Variants in DLG2 observed in about 807,000 individuals in gnomAD.
DLG2 encodes disks large homolog 2.
A neutral mutation model predicts 132.5 loss-of-function variants in DLG2; 45 were observed. That is an observed-to-expected ratio of 0.34 (90% CI 0.27 to 0.44). DLG2 has a LOEUF of 0.44. Among genes scored for constraint, DLG2 ranks in the 20% least tolerant of loss-of-function variants. The probability of loss-of-function intolerance (pLI) is 1.00; values close to 1 mark genes in which losing one functional copy is unlikely to be tolerated. For synonymous variants in DLG2, 424 were observed against 419.6 expected (o/e 1.01, Z -0.13); for missense variants, 1,045 against 1,196.9 (o/e 0.87, Z 1.87).
At chr11:84,407,595 T>C (rs1347107379) in intron 7 of DLG2, among the ~76,000 whole-genome samples, 2 of 152,188 alleles carry the variant, frequency 1.3e-5, no homozygotes, top group Non-Finnish European at 2.9e-5. Context: ...CCTGCTCTGA[T>C]AGGACTGGTG....
intron 3 of DLG2, among the ~76,000 whole-genome samples, chr11:85,441,543 C>T (rs891308749): frequency 7.9e-5 from 12 of 152,212 alleles, no homozygotes; most frequent in African/African-American, 2.2e-4. Flanking sequence ...TCAATGATCA[C>T]TTATTCATTC....
At position 83,676,758 on chromosome 11, in the gene DLG2, T is replaced by C. The variant is rs553522947; in HGVS notation, c.1826-43433A>G. 1.4e-3 allele frequency among the ~76,000 whole-genome samples: 207 copies of C among 152,226 alleles called. 2 individuals are homozygous for C. The highest frequency in any genetic ancestry group is 4.8e-3 in the African/African-American group (200 of 41,496). On this transcript the variant is annotated intron_variant, in intron 18 of 27. Transcript: ENST00000376104. ...TTTGCAAGCTTGGCACTACTTACAA[T>C]GGAAAGCAGCCTTATCTGTTACTGT... is the stretch of plus-strand genomic sequence containing the variant.
chr11:85,236,462 C>A (rs1379236749), intron 4 of DLG2, among the ~76,000 whole-genome samples: 1 of 151,976 alleles, frequency 6.6e-6, no homozygotes, highest in East Asian at 1.9e-4. Flanking sequence ...ATGCAAGGCA[C>A]CCCTGGTGTA....
intron 7 of DLG2, among the ~76,000 whole-genome samples, chr11:84,304,378 T>A (rs894128291): frequency 3.3e-5 from 5 of 152,126 alleles, no homozygotes; most frequent in African/African-American, 9.7e-5. Flanking sequence ...AATAGCAACT[T>A]TGAGAGCTCA....
At chr11:85,151,583 G>T (rs1254438845) in intron 5 of DLG2, among the ~76,000 whole-genome samples, 2 of 151,968 alleles carry the variant, frequency 1.3e-5, no homozygotes, top group Non-Finnish European at 2.9e-5. Flanking sequence ...TAAAGTAAGG[G>T]CCCAACTTTA....
intron 6 of DLG2, among the ~76,000 whole-genome samples, chr11:84,762,964 G>GA (rs934786042): frequency 3.0e-4 from 46 of 150,900 alleles, no homozygotes; most frequent in South Asian, 4.2e-4. Context: ...TATCCAAATT[G>GA]AAAAAAAAAT....
chr11:85,178,945 T>C (rs925045696), intron 4 of DLG2, among the ~76,000 whole-genome samples: 1 of 151,796 alleles, frequency 6.6e-6, no homozygotes. Flanking sequence ...AAAGCAATAT[T>C]TGAATAAATA....
chr11:85,369,791 T>C (rs1407364004), intron 3 of DLG2, among the ~76,000 whole-genome samples: 2 of 152,162 alleles, frequency 1.3e-5, no homozygotes, highest in African/African-American at 4.8e-5. Flanking sequence ...GGTTTTCTTC[T>C]GCCTGTCTGT....
chr11:84,709,102 T>C (rs2060092576), intron 6 of DLG2, among the ~76,000 whole-genome samples: 1 of 151,724 alleles, frequency 6.6e-6, no homozygotes, highest in Admixed American at 6.6e-5. Flanking sequence ...GACTCTGAAG[T>C]GAGATAATGG....
In DLG2 at chr11:84,990,468, C is replaced by T. The variant is rs567400574; in HGVS notation, c.357+121193G>A. Among the ~76,000 whole-genome samples the T allele has an allele frequency of 1.7e-4, 26 of 152,174 alleles. No individual in the cohort carries two copies. The South Asian group carries it at 5.0e-3, about 29-fold the overall frequency. On this transcript the variant is annotated intron_variant, in intron 6 of 27. Coordinates refer to ENST00000376104, the MANE Select transcript of DLG2 (RefSeq NM_001142699.3). ...AAGAATGCAGCAAATCACCATAAAA[C>T]AGAAAATGAGCCTTCATCGGACACC...
At chr11:83,719,714 C>T (rs557311466) in intron 18 of DLG2, among the ~76,000 whole-genome samples, 1 of 152,156 alleles carries the variant, frequency 6.6e-6, no homozygotes, top group African/African-American at 2.4e-5. Flanking sequence ...TAGGCCCTAC[C>T]TCTAACAGTG....
At chr11:83,773,313 T>C (rs1254974172) in intron 18 of DLG2, among the ~76,000 whole-genome samples, 1 of 152,200 alleles carries the variant, frequency 6.6e-6, no homozygotes, top group Non-Finnish European at 1.5e-5. Flanking sequence ...TTGGAGTTGT[T>C]CTGTAGATTC....
chr11:83,573,868 A>G (rs1469943110), intron 19 of DLG2, among the ~76,000 whole-genome samples: 1 of 152,198 alleles, frequency 6.6e-6, no homozygotes, highest in Admixed American at 6.5e-5. Context: ...GCTTCGAGGC[A>G]GTATAACACA....
chr11:84,319,649 C>G (rs2154396420), intron 7 of DLG2, among the ~76,000 whole-genome samples: 1 of 152,294 alleles, frequency 6.6e-6, no homozygotes, highest in Non-Finnish European at 1.5e-5. Context: ...CAAATCTTCA[C>G]AGAGACTTAA....
intron 3 of DLG2, among the ~76,000 whole-genome samples, chr11:85,562,590 A>C (rs1412361509): frequency 6.6e-6 from 1 of 151,830 alleles, no homozygotes; most frequent in Non-Finnish European, 1.5e-5. Flanking sequence ...CCAGAAGCTC[A>C]TGTTTTCACT....
chr11:84,831,463 G>C (rs987263649), intron 6 of DLG2, among the ~76,000 whole-genome samples: 1 of 151,620 alleles, frequency 6.6e-6, no homozygotes, highest in African/African-American at 2.4e-5. Flanking sequence ...GTAAAGGAGA[G>C]TATAACAATT....
intron 6 of DLG2, among the ~76,000 whole-genome samples, chr11:84,983,843 T>C (rs7948544): frequency 0.012 from 1,794 of 152,130 alleles, 33 homozygotes; most frequent in African/African-American, 0.041. Context: ...TTTATAGAAA[T>C]GCAAAATGCT....
intron 7 of DLG2, among the ~76,000 whole-genome samples, chr11:84,402,688 C>G (rs1049349689): frequency 1.3e-5 from 2 of 152,010 alleles, no homozygotes; most frequent in Middle Eastern, 3.4e-3. Flanking sequence ...AAAGACCACC[C>G]CGGCTCACAC....
intron 3 of DLG2, among the ~76,000 whole-genome samples, chr11:85,446,435 C>T (rs2092012728): frequency 6.6e-6 from 1 of 152,104 alleles, no homozygotes. Flanking sequence ...TTTCAAATAA[C>T]AATTCTTGTA....
Sources: allele counts gnomAD v4.1 joint callset (sites outside exome capture counted in the v4.1 genomes callset), GRCh38; gene constraint gnomAD v4.1.1; transcripts MANE v1.5; gene names NCBI Gene and HGNC (gene_info 2026-07-23, HGNC 2026-07-21).